The following GRID1 variants were observed in gnomAD, a reference collection of about 807,000 sequenced individuals.
GRID1 encodes glutamate ionotropic receptor delta type subunit 1, also known as glutamate receptor ionotropic, delta-1.
Under a neutral mutation model 98.0 loss-of-function variants are expected in GRID1, and 28 were observed. The ratio of observed to expected loss-of-function variants is 0.29; its 90% CI spans 0.21 to 0.39. The LOEUF is 0.39. GRID1 is among the 10% of genes least tolerant of loss of function. The probability of loss-of-function intolerance (pLI) is 1.00; values close to 1 mark genes in which losing one functional copy is unlikely to be tolerated. For synonymous variants in GRID1, 553 were observed against 538.5 expected (o/e 1.03, Z -0.37); for missense variants, 1,111 against 1,340.5 (o/e 0.83, Z 2.67).
At chr10:85,667,704 G>A (rs539861671) in intron 12 of GRID1, among the ~76,000 whole-genome samples, 1 of 152,274 alleles carries the variant, frequency 6.6e-6, no homozygotes, top group Admixed American at 6.5e-5. Flanking sequence ...TGTGCCCCCA[G>A]AACTGAGCAC....
chr10:85,974,140 T>C (rs1180626682), intron 4 of GRID1, among the ~76,000 whole-genome samples: 1 of 152,198 alleles, frequency 6.6e-6, no homozygotes, highest in Non-Finnish European at 1.5e-5. Context: ...ACTTGCATGC[T>C]CACTTTTGCC....
At chr10:86,009,517 T>C (rs2131880139) in intron 4 of GRID1, among the ~76,000 whole-genome samples, 1 of 152,284 alleles carries the variant, frequency 6.6e-6, no homozygotes, top group Admixed American at 6.5e-5. Flanking sequence ...TTGCCTGAGA[T>C]AAAGCCAGGC....
At chr10:86,178,259 G>A (rs1167850702) in intron 3 of GRID1, among the ~76,000 whole-genome samples, 2 of 149,186 alleles carry the variant, frequency 1.3e-5, no homozygotes, top group Non-Finnish European at 2.9e-5. Context: ...CCAAATTATT[G>A]AGCATTTTTT....
chr10:85,901,071 C>A (rs949580234), intron 5 of GRID1, among the ~76,000 whole-genome samples: 1 of 152,042 alleles, frequency 6.6e-6, no homozygotes, highest in Non-Finnish European at 1.5e-5. Context: ...ATAAATGCTG[C>A]GACGCGGATT....
chr10:85,679,334 A>G (rs529669978), intron 12 of GRID1, among the ~76,000 whole-genome samples: 5 of 152,298 alleles, frequency 3.3e-5, no homozygotes, highest in Non-Finnish European at 5.9e-5. Context: ...AGCCCTCCTG[A>G]TTTCTCAGTC....
At chr10:86,246,021 G>A (rs1846721036) in intron 2 of GRID1, among the ~76,000 whole-genome samples, 1 of 152,252 alleles carries the variant, frequency 6.6e-6, no homozygotes, top group African/African-American at 2.4e-5. Context: ...AAAAGCTGGG[G>A]CAGGCACCCA....
At chr10:85,666,537 G>T (rs891847554) in intron 12 of GRID1, among the ~76,000 whole-genome samples, 1 of 152,222 alleles carries the variant, frequency 6.6e-6, no homozygotes, top group Non-Finnish European at 1.5e-5. Context: ...AGATTTAGTT[G>T]AGGTTGGCTT....
chr10:85,619,221 C>T (rs1842828844), intron 14 of GRID1, among the ~76,000 whole-genome samples: 1 of 152,232 alleles, frequency 6.6e-6, no homozygotes, highest in Admixed American at 6.5e-5. Flanking sequence ...ACTACCCATG[C>T]CCCACTTCCA....
chr10:85,609,338 A>T (rs943422726), intron 15 of GRID1, among the ~76,000 whole-genome samples: 2 of 152,198 alleles, frequency 1.3e-5, no homozygotes, highest in African/African-American at 4.8e-5. Context: ...CTTTGGATAG[A>T]GTAGCCCCTT....
chr10:86,106,115 G>A (rs1242134974), intron 4 of GRID1, among the ~76,000 whole-genome samples: 1 of 152,144 alleles, frequency 6.6e-6, no homozygotes, highest in Non-Finnish European at 1.5e-5. Flanking sequence ...GTCCTTCCCT[G>A]ACCCTTTGCT....
At chr10:85,828,884 G>C (rs1564603141) in intron 8 of GRID1, among the ~76,000 whole-genome samples, 1 of 152,168 alleles carries the variant, frequency 6.6e-6, no homozygotes. Flanking sequence ...GGTGTATAAA[G>C]AAGAGCTGGT....
intron 8 of GRID1, among the ~76,000 whole-genome samples, chr10:85,825,539 A>G (rs1228571067): frequency 1.3e-5 from 2 of 152,146 alleles, no homozygotes; most frequent in Admixed American, 6.5e-5. Context: ...GAATTTAATT[A>G]TGTTAAAATA....
rs1842570692 is a variant in GRID1, at chr10:85,601,246, T to C, written c.*1027A>G. On this transcript the variant is annotated 3_prime_UTR_variant, in exon 16 of 16. Transcript: ENST00000327946. ...GTCCGTTTGCCTGACACCACAAAGC[T>C]TCTACTCCCTGCATCTATGGCCTCA... 1 of 152,572 alleles carries C rather than the reference T, an allele frequency of 6.6e-6. No homozygotes were observed. The highest frequency in any genetic ancestry group is 1.5e-5 in the Non-Finnish European group (1 of 68,388). 9.5% of individuals were successfully genotyped at this position (152,572 alleles called of 1,614,324 possible). A position where few individuals can be genotyped will look rare whatever the true frequency, so the allele number is the denominator to read the frequency against.
chr10:86,148,518 A>T (rs1261903566), intron 3 of GRID1, among the ~76,000 whole-genome samples: 1 of 152,212 alleles, frequency 6.6e-6, no homozygotes, highest in Non-Finnish European at 1.5e-5. Context: ...CAATTAGACA[A>T]GAGGATAAGT....
intron 2 of GRID1, among the ~76,000 whole-genome samples, chr10:86,265,010 C>G (rs1847082778): frequency 6.6e-6 from 1 of 152,242 alleles, no homozygotes; most frequent in African/African-American, 2.4e-5. Context: ...TCCTTCCTAG[C>G]CACACTTAAG....
At chr10:86,241,319 C>T (rs1290226460) in intron 2 of GRID1, among the ~76,000 whole-genome samples, 2 of 152,252 alleles carry the variant, frequency 1.3e-5, no homozygotes, top group Admixed American at 6.5e-5. Flanking sequence ...TGTCCTAGCC[C>T]TTCAGGGCAA....
At chr10:86,099,457 T>G (rs1844264238) in intron 4 of GRID1, among the ~76,000 whole-genome samples, 1 of 151,822 alleles carries the variant, frequency 6.6e-6, no homozygotes, top group Non-Finnish European at 1.5e-5. Flanking sequence ...CCCTCACAGA[T>G]GTGTGTACAA....
chr10:85,621,565 G>C lies in GRID1; in HGVS notation c.2194-1532C>G, dbSNP rs565756432. Among the ~76,000 whole-genome samples the C allele has an allele frequency of 2.0e-4, 30 of 152,258 alleles. 1 individual carries two copies. The highest frequency in any genetic ancestry group is 1.6e-3 in the Admixed American group (24 of 15,292). Reference sequence around the variant, plus strand: ...AGTGTGACCTCCTGCAGTGGGAAGAGCCTGTTCCCAGACATTCAGACAATT... The same window carrying C: ...AGTGTGACCTCCTGCAGTGGGAAGACCCTGTTCCCAGACATTCAGACAATT... On this transcript the variant is annotated intron_variant, in intron 13 of 15. Transcript: ENST00000327946.
chr10:85,962,197 T>C (rs901723912), intron 4 of GRID1, among the ~76,000 whole-genome samples: 9 of 152,066 alleles, frequency 5.9e-5, no homozygotes, highest in African/African-American at 2.2e-4. Context: ...CCTACAGGGG[T>C]CTGCCACCCT....
Sources: allele counts gnomAD v4.1 joint callset (sites outside exome capture counted in the v4.1 genomes callset), GRCh38; gene constraint gnomAD v4.1.1; transcripts MANE v1.5; gene names NCBI Gene and HGNC (gene_info 2026-07-23, HGNC 2026-07-21).